The following ADAMTSL1 variants were observed in gnomAD, a reference collection of about 807,000 sequenced individuals.
The protein encoded by ADAMTSL1 is ADAMTS like 1.
Under a neutral mutation model 201.8 loss-of-function variants are expected in ADAMTSL1, and 126 were observed. The ratio of observed to expected loss-of-function variants is 0.62; its 90% CI spans 0.54 to 0.72. The LOEUF is 0.72. Ranked by LOEUF, ADAMTSL1 falls within the 30% of genes least tolerant of loss-of-function variation. The probability of loss-of-function intolerance (pLI) is 0.00; values close to 1 mark genes in which losing one functional copy is unlikely to be tolerated. For missense variants in ADAMTSL1, 2,679 were observed against 2,277.8 expected, an observed-to-expected ratio of 1.18 and a Z score of -3.59; for synonymous variants, 1,121 against 903.4, an observed-to-expected ratio of 1.24 and a Z score of -4.32.
intron 1 of ADAMTSL1, among the ~76,000 whole-genome samples, chr9:18,018,483 G>C (rs535311040): frequency 6.6e-6 from 1 of 151,958 alleles, no homozygotes; most frequent in Non-Finnish European, 1.5e-5. Flanking sequence ...ATATGGCTAT[G>C]GAATGTCACC....
intron 1 of ADAMTSL1, among the ~76,000 whole-genome samples, chr9:18,083,889 C>T (rs781382267): frequency 6.6e-6 from 1 of 152,138 alleles, no homozygotes; most frequent in Admixed American, 6.5e-5. Context: ...AAATTCTTTG[C>T]CCCAGTTCTT....
intron 2 of ADAMTSL1, among the ~76,000 whole-genome samples, chr9:18,527,158 A>G (rs374393709): frequency 1.0e-3 from 154 of 152,300 alleles, no homozygotes; most frequent in Admixed American, 1.6e-3. Context: ...AAAAAACCAG[A>G]TGGACCATCC....
At chr9:18,214,562 A>G (rs1356839705) in intron 2 of ADAMTSL1, among the ~76,000 whole-genome samples, 1 of 152,222 alleles carries the variant, frequency 6.6e-6, no homozygotes. Context: ...GATATACTAC[A>G]ACAATTATGT....
At chr9:18,693,835 G>C (rs567004409) in intron 13 of ADAMTSL1, among the ~76,000 whole-genome samples, 1 of 152,206 alleles carries the variant, frequency 6.6e-6, no homozygotes, top group African/African-American at 2.4e-5. Flanking sequence ...ATGGAAAGAT[G>C]CTCAAAGATG....
intron 1 of ADAMTSL1, among the ~76,000 whole-genome samples, chr9:17,978,317 C>T (rs1217356887): frequency 6.6e-6 from 1 of 151,892 alleles, no homozygotes; most frequent in East Asian, 1.9e-4. Flanking sequence ...TAAATACTTA[C>T]CATTGCTGTT....
chr9:18,178,912 C>T (rs1320665764), intron 2 of ADAMTSL1, among the ~76,000 whole-genome samples: 3 of 151,766 alleles, frequency 2.0e-5, no homozygotes, highest in African/African-American at 7.2e-5. Flanking sequence ...GTAGATAAAA[C>T]CACAAAGATG....
chr9:18,795,391 C>A lies in ADAMTSL1; in HGVS notation c.3678-6C>A. ...CCAGGTCTATATTTCTTTTCTGTCGCTCCAGGATTCTTCTACAGCCAGATG... is the reference window on the plus strand; with the variant it reads ...CCAGGTCTATATTTCTTTTCTGTCGATCCAGGATTCTTCTACAGCCAGATG... On this transcript the variant is annotated splice_polypyrimidine_tract_variant and splice_region_variant and intron_variant, in intron 19 of 28. Transcript: ENST00000380548. The A allele has an allele frequency of 4.3e-6, 7 of 1,613,716 alleles. No homozygotes were observed. The highest frequency in any genetic ancestry group is 5.1e-6 in the Non-Finnish European group (6 of 1,179,756).
chr9:18,060,390 G>A (rs1347517094), intron 1 of ADAMTSL1, among the ~76,000 whole-genome samples: 2 of 152,094 alleles, frequency 1.3e-5, no homozygotes, highest in South Asian at 2.1e-4. Flanking sequence ...ATGGGCTAAG[G>A]TATCTGCAAT....
chr9:18,811,580 C>T (rs2131151250), intron 20 of ADAMTSL1, among the ~76,000 whole-genome samples: 1 of 152,336 alleles, frequency 6.6e-6, no homozygotes, highest in African/African-American at 2.4e-5. Flanking sequence ...AACAAGGAGG[C>T]ATCTCCCTGC....
At chr9:18,120,900 C>G (rs1825467408) in intron 1 of ADAMTSL1, among the ~76,000 whole-genome samples, 1 of 152,130 alleles carries the variant, frequency 6.6e-6, no homozygotes, top group African/African-American at 2.4e-5. Context: ...CTGAATCTCT[C>G]TATCCACTCC....
chr9:17,978,085 A>G (rs1818526814), intron 1 of ADAMTSL1, among the ~76,000 whole-genome samples: 1 of 152,058 alleles, frequency 6.6e-6, no homozygotes, highest in South Asian at 2.1e-4. Context: ...CTGGTTTTAA[A>G]GTCCATTTTG....
intron 2 of ADAMTSL1, among the ~76,000 whole-genome samples, chr9:18,175,933 A>G (rs1403774959): frequency 6.7e-6 from 1 of 148,948 alleles, no homozygotes; most frequent in Non-Finnish European, 1.5e-5. Context: ...TTTTAGTCCA[A>G]GTCTGGGAAA....
At chr9:18,904,425 C>T (rs531558727) in intron 26 of ADAMTSL1, among the ~76,000 whole-genome samples, 52 of 151,876 alleles carry the variant, frequency 3.4e-4, no homozygotes, top group African/African-American at 1.1e-3. Flanking sequence ...GCCGAGATTG[C>T]ACCACTGCAC....
At position 17,973,752 on chromosome 9, in the gene ADAMTSL1, G is replaced by T. The variant is rs891536924; in HGVS notation, c.87+66830G>T. Reference sequence around the variant, plus strand: ...TGGCATTGTATCTATAAATTACCTTGGGCAGTATGGCCATTTTCACATTGT... The same window carrying T: ...TGGCATTGTATCTATAAATTACCTTTGGCAGTATGGCCATTTTCACATTGT... On this transcript the variant is annotated intron_variant, in intron 1 of 29. Transcript: ENST00000680146. 8.4e-3 allele frequency among the ~76,000 whole-genome samples: 1,196 copies of T among 142,362 alleles called. 17 individuals carry two copies. The highest frequency in any genetic ancestry group is 0.029 in the African/African-American group (1,135 of 38,766). 93.4% of individuals were successfully genotyped at this position (142,362 alleles called of 152,430 possible). A position where few individuals can be genotyped will look rare whatever the true frequency, so the allele number is the denominator to read the frequency against.
intron 1 of ADAMTSL1, among the ~76,000 whole-genome samples, chr9:18,117,284 A>G (rs886488419): frequency 6.6e-6 from 1 of 152,134 alleles, no homozygotes; most frequent in Admixed American, 6.5e-5. Context: ...TTCAGAGTTA[A>G]GGTCGTAGTC....
chr9:18,827,127 T>A (rs1824622604), intron 22 of ADAMTSL1, among the ~76,000 whole-genome samples: 1 of 149,876 alleles, frequency 6.7e-6, no homozygotes, highest in African/African-American at 2.5e-5. Context: ...CTGCTGTTCT[T>A]CCCCCACTGA....
At chr9:18,682,551 T>A (rs1830567899) in intron 12 of ADAMTSL1, among the ~76,000 whole-genome samples, 1 of 152,184 alleles carries the variant, frequency 6.6e-6, no homozygotes, top group South Asian at 2.1e-4. Flanking sequence ...AGACTTATAA[T>A]TACACTGGAT....
At position 18,208,022 on chromosome 9, in the gene ADAMTSL1, T is replaced by C. The variant is rs143150038; in HGVS notation, c.207+44041T>C. Among the ~76,000 whole-genome samples, 803 of 152,244 alleles carry C rather than the reference T, an allele frequency of 5.3e-3. 2 individuals are homozygous for C. The highest frequency in any genetic ancestry group is 7.9e-3 in the Non-Finnish European group (534 of 68,014). ...AATGTCAGTTTTACCACTTGCTGTG[T>C]GTCTTTGGATAAACTGATGAACCAC... On this transcript the variant is annotated intron_variant, in intron 2 of 29. Coordinates refer to the ADAMTSL1 transcript ENST00000680146.
intron 4 of ADAMTSL1, among the ~76,000 whole-genome samples, chr9:18,604,809 A>C (rs1022029538): frequency 6.6e-6 from 1 of 152,130 alleles, no homozygotes; most frequent in Non-Finnish European, 1.5e-5. Context: ...TGGTAATTGC[A>C]TGTTTAATTT....
Sources: allele counts gnomAD v4.1 joint callset (sites outside exome capture counted in the v4.1 genomes callset), GRCh38; gene constraint gnomAD v4.1.1; transcripts MANE v1.5; gene names NCBI Gene and HGNC (gene_info 2026-07-23, HGNC 2026-07-21).